CLDND1: variants seen among roughly 807,000 people sequenced by gnomAD.
CLDND1 encodes claudin domain containing 1, also known as claudin domain-containing protein 1.
In CLDND1, 13 loss-of-function variants were observed where a neutral mutation model predicts 26.3. The ratio of observed to expected loss-of-function variants is 0.49; its 90% CI spans 0.32 to 0.78. The LOEUF (loss-of-function observed/expected upper bound fraction) is 0.78. Ranked by LOEUF, CLDND1 falls within the 30% of genes least tolerant of loss-of-function variation. The pLI is 0.03. For synonymous variants in CLDND1, 107 were observed against 107.0 expected (o/e 1.00, Z 0.00); for missense variants, 289 against 312.8 (o/e 0.92, Z 0.57).
Position 98,522,587 on chromosome 3 carries a change from C to T in CLDND1, c.-19+262G>A, listed in dbSNP as rs1046581346. 5.1e-6 allele frequency: 7 copies of T among 1,375,030 alleles called. No homozygotes were observed. In the African/African-American group the frequency reaches 1.1e-4, roughly 21 times the overall value. The allele number at this position is 1,375,030 out of a possible 1,614,324, so 85.2% of individuals were successfully genotyped here. A position where few individuals can be genotyped will look rare whatever the true frequency, so the allele number is the denominator to read the frequency against. On this transcript the variant is annotated intron_variant, in intron 1 of 4. Coordinates refer to ENST00000341181, the MANE Select transcript of CLDND1 (RefSeq NM_001040181.2). Reference sequence around the variant, plus strand: ...GGAACGGCGGTTCGTCCAAGCCGGACGCCTGCAGCAGCCACCTCCTGGGCC... The same window carrying T: ...GGAACGGCGGTTCGTCCAAGCCGGATGCCTGCAGCAGCCACCTCCTGGGCC...
Position 98,519,015 on chromosome 3 carries a change from C to T in CLDND1, c.293-20G>A. ...ATGACTCTGGAACAAGAACAATTGC[C>T]TGTTGTTTTAATTATAAACATTTAA... On this transcript the variant is annotated intron_variant, in intron 2 of 4. Coordinates refer to ENST00000341181, the MANE Select transcript of CLDND1 (RefSeq NM_001040181.2). 8 of 1,343,786 alleles carry T rather than the reference C, an allele frequency of 6.0e-6. No homozygotes were observed. The highest frequency in any genetic ancestry group is 8.5e-6 in the Non-Finnish European group (8 of 946,742). 83.2% of individuals were successfully genotyped at this position (1,343,786 alleles called of 1,614,324 possible).
chr3:98,521,894 T>C, intron 1 of CLDND1: 2 of 568,606 alleles, frequency 3.5e-6, no homozygotes, highest in Non-Finnish European at 6.3e-6. Context: ...AATTGGCTTC[T>C]CCCAGTTTCC....
chr3:98,516,585 T>C lies in CLDND1; in HGVS notation c.*74A>G, dbSNP rs1706148108. On this transcript the variant is annotated 3_prime_UTR_variant, in exon 5 of 5. Transcript: ENST00000341181. ...ATCCACAAATAAAAATTAAAAACAA[T>C]TGAGAGGTGGGGAAAATATCAGTAT... 2.0e-6 allele frequency: 3 copies of C among 1,493,948 alleles called. No homozygotes were observed. Among genetic ancestry groups the C allele is most frequent in the Admixed American group, 2.5e-5 (1 of 40,398 alleles). 92.5% of individuals were successfully genotyped at this position (1,493,948 alleles called of 1,614,324 possible).
At chr3:98,519,947 C>T (rs1018420074) in intron 2 of CLDND1, among the ~76,000 whole-genome samples, 2 of 152,202 alleles carry the variant, frequency 1.3e-5, no homozygotes, top group African/African-American at 4.8e-5. Context: ...AAATCATAAC[C>T]TATGGCCACC....
chr3:98,520,488 C>T (rs1706360626), intron 2 of CLDND1, among the ~76,000 whole-genome samples: 1 of 151,924 alleles, frequency 6.6e-6, no homozygotes, highest in Non-Finnish European at 1.5e-5. Flanking sequence ...TCTAAAGCTA[C>T]CATTTTAATA....
intron 3 of CLDND1, chr3:98,518,615 A>G (rs1488757669): frequency 2.7e-6 from 1 of 375,482 alleles, no homozygotes; most frequent in African/African-American, 2.1e-5. Flanking sequence ...CTTTTACTAA[A>G]TGGGCCCATT....
Position 98,521,341 on chromosome 3 carries a change from G to A in CLDND1, c.84C>T (p.Gly28=). The A allele has an allele frequency of 4.3e-6, 7 of 1,614,164 alleles. No homozygotes were observed. The highest frequency in any genetic ancestry group is 1.6e-4 in the Middle Eastern group (1 of 6,062). The change falls in exon 2 of 5, where the codon GGC becomes GGT. Residue 28 remains glycine, a synonymous_variant. Transcript: ENST00000341181. ...ISTIYMAASI[G]TDFWYEYRSP... ...TTCGATATTCATACCAGAAGTCTGT[G>A]CCAATGGAGGCTGCCATGTAGATGG...
At chr3:98,518,224 G>C (rs1706241128) in intron 3 of CLDND1, among the ~76,000 whole-genome samples, 2 of 152,080 alleles carry the variant, frequency 1.3e-5, no homozygotes, top group African/African-American at 4.8e-5. Context: ...AACTCTCCTA[G>C]TAATAAACTG....
chr3:98,522,721 G>A (rs1706480715), intron 1 of CLDND1, 128 bp downstream of exon 1: 2 of 1,565,234 alleles, frequency 1.3e-6, no homozygotes, highest in Non-Finnish European at 1.7e-6. Context: ...GCTCGGCCCT[G>A]GGACAAATCC....
intron 3 of CLDND1, among the ~76,000 whole-genome samples, chr3:98,518,256 A>G (rs564299413): frequency 6.6e-6 from 1 of 152,306 alleles, no homozygotes; most frequent in African/African-American, 2.4e-5. Context: ...TTCTCTTTAT[A>G]AAACTGAATA....
rs1706099247 is a variant in CLDND1, at chr3:98,515,574, T to C, written c.*1085A>G. On this transcript the variant is annotated 3_prime_UTR_variant, in exon 5 of 5. Coordinates refer to ENST00000341181, the MANE Select transcript of CLDND1 (RefSeq NM_001040181.2). ...TACATTTTTTTAATCTGTCAATTGC[T>C]ACAGTAGTGGAATAAATAAATAAGT... The C allele has an allele frequency of 9.1e-6, 9 of 992,338 alleles. No individual in the cohort carries two copies. Among genetic ancestry groups the C allele is most frequent in the Non-Finnish European group, 1.1e-5 (9 of 795,402 alleles). 61.5% of individuals were successfully genotyped at this position (992,338 alleles called of 1,614,324 possible).
Position 98,516,840 on chromosome 3 carries a change from C to A in CLDND1, c.581G>T (p.Gly194Val). Residue 194 changes from glycine to valine, a missense_variant, in exon 5 of 5, where the codon GGA becomes GTA. Gly to Val is a moderately radical substitution (Grantham distance 109). Coordinates refer to ENST00000341181, the MANE Select transcript of CLDND1 (RefSeq NM_001040181.2). The part of the protein sequence containing the change: ...TLGSVSCYVA[G>V]IELLHQKLEL... ...TAGTTTCTGGTGGAGTAGTTCAATT[C>A]CAGCAACATAACAACTTACTGAGCC... 1 of 1,614,140 alleles carries A rather than the reference C, an allele frequency of 6.2e-7. No homozygotes were observed. The highest frequency in any genetic ancestry group is 8.5e-7 in the Non-Finnish European group (1 of 1,180,026).
intron 2 of CLDND1, 142 bp downstream of exon 2, chr3:98,520,991 G>A: frequency 1.4e-6 from 1 of 706,354 alleles, no homozygotes. Flanking sequence ...AGAGAAGGCA[G>A]TAGAAAGAGA....
intron 3 of CLDND1, 177 bp from the exon 4 acceptor site, chr3:98,517,366 AAAAG>A: frequency 1.4e-6 from 1 of 689,788 alleles, no homozygotes; most frequent in Non-Finnish European, 2.4e-6. Flanking sequence ...TTGTCCTGAT[AAAAG>A]TAAAAGGACA....
chr3:98,518,246 T>C (rs952229831), intron 3 of CLDND1, among the ~76,000 whole-genome samples: 1 of 152,196 alleles, frequency 6.6e-6, no homozygotes, highest in Non-Finnish European at 1.5e-5. Flanking sequence ...TTGCTACACA[T>C]TCTCTTTATA....
At chr3:98,521,678 T>C in intron 1 of CLDND1, 1 of 1,613,308 alleles carries the variant, frequency 6.2e-7, no homozygotes, top group Non-Finnish European at 8.5e-7. Flanking sequence ...GACAGAGGTC[T>C]TGTTCTCTAG....
rs762848355 is a variant in CLDND1 at position 98,521,440 on chromosome 3, G to T, written c.-16C>A. 2.4e-5 allele frequency: 39 copies of T among 1,612,026 alleles called. No homozygotes were observed. The highest frequency in any genetic ancestry group is 3.1e-5 in the Non-Finnish European group (37 of 1,178,618). ...GGTTATCCATTCTGGCATTCAGACT[G>T]CTCTGTTTAGAAGTTGAAGAAAGAA... On this transcript the variant is annotated splice_region_variant and 5_prime_UTR_variant, in exon 2 of 5. Transcript: ENST00000341181.
chr3:98,521,683 C>T, intron 1 of CLDND1: 1 of 1,613,242 alleles, frequency 6.2e-7, no homozygotes, highest in South Asian at 1.1e-5. Context: ...AGGTCTTGTT[C>T]TCTAGTCTAT....
chr3:98,518,850 TC>T (rs901642559), intron 3 of CLDND1, 34 bp downstream of exon 3: 51 of 1,188,458 alleles, frequency 4.3e-5, no homozygotes, highest in Non-Finnish European at 6.2e-5. Context: ...TTATCTTTGT[TC>T]CCCCAACTGT....
Sources: gnomAD v4.1 joint callset for allele counts (sites outside exome capture counted in the v4.1 genomes callset) on GRCh38, gnomAD v4.1.1 for gene constraint, MANE v1.5 for transcripts, NCBI Gene and HGNC (gene_info 2026-07-23, HGNC 2026-07-21) for gene names.